TTC23: variants seen among roughly 807,000 people sequenced by gnomAD.
The protein encoded by TTC23 is tetratricopeptide repeat protein 23.
Under a neutral mutation model 55.1 loss-of-function variants are expected in TTC23, and 58 were observed. The ratio of observed to expected loss-of-function variants is 1.05; its 90% confidence interval spans 0.85 to 1.31. TTC23 has a LOEUF of 1.31. Among genes scored for constraint, TTC23 ranks in the 50% most tolerant of loss-of-function variants. TTC23 has a pLI of 0.00. For missense variants in TTC23, 516 were observed against 534.4 expected, an observed-to-expected ratio of 0.97 and a Z score of 0.34; for synonymous variants, 203 against 199.9, an observed-to-expected ratio of 1.02 and a Z score of -0.13.
In TTC23 at chr15:99,167,670, C is replaced by A. The variant is rs1364782267; in HGVS notation, c.866-5803G>T. 2.6e-5 allele frequency among the ~76,000 whole-genome samples: 4 copies of A among 152,202 alleles called. No homozygotes were observed. In the East Asian group the frequency reaches 7.7e-4, roughly 29 times the overall value. On this transcript the variant is annotated intron_variant, in intron 10 of 13. Coordinates refer to ENST00000394132, the MANE Select transcript of TTC23 (RefSeq NM_001288615.3). The stretch of plus-strand genomic sequence containing the variant: ...CTTCATCCCAAGAGCAAGAGGAATG[C>A]AGGACTGCAATGTGGCCCACTGGAG...
Position 99,228,319 on chromosome 15 carries a change from G to A in TTC23, c.180+214C>T, listed in dbSNP as rs11630174. ...TGCCTAGACTTGGCACACAGTGCGA[G>A]CTCAACAAATATTTGTTGTTGGCCA... On this transcript the variant is annotated intron_variant, in intron 5 of 13. Coordinates refer to ENST00000394132, the MANE Select transcript of TTC23 (RefSeq NM_001288615.3). 9.9e-3 allele frequency: 3,988 copies of A among 403,352 alleles called. 30 individuals carry two copies. The highest frequency in any genetic ancestry group is 0.014 in the Non-Finnish European group (3,095 of 227,076). The allele number at this position is 403,352 out of a possible 1,614,324, so 25.0% of individuals were successfully genotyped here.
At chr15:99,186,504 T>C (rs2074674333) in intron 9 of TTC23, among the ~76,000 whole-genome samples, 1 of 152,162 alleles carries the variant, frequency 6.6e-6, no homozygotes, top group Admixed American at 6.5e-5. Flanking sequence ...ATAACCTGGA[T>C]ACAGGGAAAT....
At chr15:99,199,690 T>C (rs1417166709) in intron 9 of TTC23, among the ~76,000 whole-genome samples, 1 of 152,156 alleles carries the variant, frequency 6.6e-6, no homozygotes, top group Non-Finnish European at 1.5e-5. Flanking sequence ...CTTTAGAGCA[T>C]CTCAGGCTGT....
intron 5 of TTC23, among the ~76,000 whole-genome samples, chr15:99,226,096 A>G (rs935649569): frequency 1.3e-5 from 2 of 152,250 alleles, no homozygotes; most frequent in Admixed American, 1.3e-4. Context: ...AAAACAAAGT[A>G]GGTTAAGCAA....
chr15:99,226,790 G>A (rs2078469387), intron 5 of TTC23, among the ~76,000 whole-genome samples: 1 of 152,078 alleles, frequency 6.6e-6, no homozygotes, highest in African/African-American at 2.4e-5. Context: ...TCTTCCTGGA[G>A]GCCCTCCCTG....
At chr15:99,236,706 T>C (rs1423884611) in intron 3 of TTC23, among the ~76,000 whole-genome samples, 1 of 152,114 alleles carries the variant, frequency 6.6e-6, no homozygotes, top group East Asian at 1.9e-4. Flanking sequence ...ACTTTTTAAT[T>C]GTTTTTGTTG....
chr15:99,187,232 G>A (rs2074753383), intron 9 of TTC23, among the ~76,000 whole-genome samples: 1 of 151,654 alleles, frequency 6.6e-6, no homozygotes, highest in Admixed American at 6.6e-5. Context: ...TCAATAAATA[G>A]TGCTAGGACA....
chr15:99,144,482 G>A (rs2068601429), intron 12 of TTC23: 1 of 152,374 alleles, frequency 6.6e-6, no homozygotes, highest in East Asian at 1.9e-4. Context: ...TGCAGAAGTA[G>A]ATTGGTGGTG....
In TTC23 at chr15:99,162,640, C is replaced by G. The variant is rs146537506; in HGVS notation, c.866-773G>C. Reference sequence around the variant, plus strand: ...GCTGAATAGGACTCCCTGCAAAAAGCTGGTGTGGCCGGCAGAATTCTAAGG... The same window carrying G: ...GCTGAATAGGACTCCCTGCAAAAAGGTGGTGTGGCCGGCAGAATTCTAAGG... On this transcript the variant is annotated intron_variant, in intron 10 of 13. Coordinates refer to ENST00000394132, the MANE Select transcript of TTC23 (RefSeq NM_001288615.3). 2.4e-3 allele frequency among the ~76,000 whole-genome samples: 362 copies of G among 152,280 alleles called. 1 individual carries two copies. Among genetic ancestry groups the G allele is most frequent in the Non-Finnish European group, 4.1e-3 (280 of 68,020 alleles).
chr15:99,246,160 GAAAAA>G (rs142324512), intron 1 of TTC23, among the ~76,000 whole-genome samples: 63,036 of 150,418 alleles, frequency 0.42, 13,196 homozygotes, highest in Middle Eastern at 0.59. Context: ...AGTGATAAAA[GAAAAA>G]AAAAGATAAA....
intron 10 of TTC23, among the ~76,000 whole-genome samples, chr15:99,162,993 G>A (rs2071577057): frequency 1.3e-5 from 2 of 152,086 alleles, no homozygotes; most frequent in South Asian, 2.1e-4. Flanking sequence ...TGAAGTGGGA[G>A]GACTGTTTGA....
At chr15:99,144,232 G>C (rs1203543173) in intron 12 of TTC23, among the ~76,000 whole-genome samples, 1 of 152,176 alleles carries the variant, frequency 6.6e-6, no homozygotes, top group African/African-American at 2.4e-5. Context: ...AGAAACCTGG[G>C]ATAGGTGCCG....
At chr15:99,197,708 C>T (rs1053900665) in intron 9 of TTC23, among the ~76,000 whole-genome samples, 1 of 151,890 alleles carries the variant, frequency 6.6e-6, no homozygotes, top group African/African-American at 2.4e-5. Flanking sequence ...GAGTTCGAGA[C>T]CAGCCTGGCC....
intron 9 of TTC23, among the ~76,000 whole-genome samples, chr15:99,192,854 A>G (rs2075358620): frequency 6.6e-6 from 1 of 152,172 alleles, no homozygotes; most frequent in South Asian, 2.1e-4. Context: ...GGCAGCTGGG[A>G]GGGAGGCTGT....
intron 10 of TTC23, among the ~76,000 whole-genome samples, chr15:99,171,203 T>C (rs1435421262): frequency 6.6e-6 from 1 of 152,214 alleles, no homozygotes; most frequent in Non-Finnish European, 1.5e-5. Context: ...GCTTTCTTCC[T>C]AATAGCATCA....
At chr15:99,169,198 C>G (rs1378132636) in intron 10 of TTC23, among the ~76,000 whole-genome samples, 5 of 152,164 alleles carry the variant, frequency 3.3e-5, no homozygotes, top group Non-Finnish European at 7.3e-5. Flanking sequence ...AAGGCAAGGC[C>G]AAACTCAGGC....
intron 9 of TTC23, among the ~76,000 whole-genome samples, 169 bp downstream of exon 9, chr15:99,199,750 C>T (rs143714783): frequency 1.3e-5 from 2 of 152,160 alleles, no homozygotes; most frequent in African/African-American, 2.4e-5. Flanking sequence ...CACTTGCCCA[C>T]GTGACCACCT....
intron 9 of TTC23, among the ~76,000 whole-genome samples, chr15:99,199,612 G>GA (rs1311767505): frequency 1.3e-5 from 2 of 151,748 alleles, no homozygotes; most frequent in African/African-American, 4.8e-5. Flanking sequence ...TTAGAATGTA[G>GA]AAAAAAAGAG....
chr15:99,137,585 A>G lies in TTC23; in HGVS notation c.*425T>C, dbSNP rs1362583215. The stretch of plus-strand genomic sequence containing the variant: ...GCGTTTTCTTCTCATGTTATTCTCA[A>G]TCCCTATTAGCCTCCTATAAGAAAG... On this transcript the variant is annotated 3_prime_UTR_variant, in exon 14 of 14. Transcript: ENST00000394132. The G allele has an allele frequency of 6.4e-6, 1 of 156,142 alleles. No individual in the cohort carries two copies. Among genetic ancestry groups the G allele is most frequent in the Non-Finnish European group, 1.4e-5 (1 of 70,700 alleles). The allele number at this position is 156,142 out of a possible 1,614,324, so 9.7% of individuals were successfully genotyped here.
Sources: allele counts gnomAD v4.1 joint callset (sites outside exome capture counted in the v4.1 genomes callset), GRCh38; gene constraint gnomAD v4.1.1; transcripts MANE v1.5; gene names NCBI Gene and HGNC (gene_info 2026-07-23, HGNC 2026-07-21).